GALNT13: variants seen among roughly 807,000 people sequenced by gnomAD.
GALNT13 encodes polypeptide N-acetylgalactosaminyltransferase 13, also known as UDP-GalNAc:polypeptide N-acetylgalactosaminyltransferase 13.
A neutral mutation model predicts 64.2 loss-of-function variants in GALNT13; 28 were observed. The ratio of observed to expected loss-of-function variants is 0.44; its 90% CI spans 0.32 to 0.60. The LOEUF (loss-of-function observed/expected upper bound fraction) is 0.60. Ranked by LOEUF, GALNT13 falls within the 20% of genes least tolerant of loss-of-function variation. The probability of loss-of-function intolerance (pLI) is 0.05; values close to 1 mark genes in which losing one functional copy is unlikely to be tolerated. For synonymous variants in GALNT13, 214 were observed against 224.6 expected, an observed-to-expected ratio of 0.95 and a Z score of 0.42; for missense variants, 577 against 669.8, an observed-to-expected ratio of 0.86 and a Z score of 1.53.
intron 1 of GALNT13, among the ~76,000 whole-genome samples, chr2:153,897,890 A>G (rs1687985553): frequency 6.6e-6 from 1 of 152,068 alleles, no homozygotes; most frequent in Non-Finnish European, 1.5e-5. Flanking sequence ...CTTTTGACAT[A>G]TTCCCATCAT....
the GALNT13 span, among the ~76,000 whole-genome samples, chr2:153,180,681 T>C: frequency 6.6e-6 from 1 of 151,918 alleles, no homozygotes; most frequent in Non-Finnish European, 1.5e-5. Flanking sequence ...TTTTTCTTAC[T>C]GATGAAATCT....
chr2:153,938,424 T>A (rs1000199797), intron 2 of GALNT13, among the ~76,000 whole-genome samples: 1 of 152,150 alleles, frequency 6.6e-6, no homozygotes. Context: ...GGAGATTGAT[T>A]TGGACTCCAC....
chr2:153,963,687 A>G (rs939397404), intron 3 of GALNT13, among the ~76,000 whole-genome samples: 2 of 140,220 alleles, frequency 1.4e-5, no homozygotes, highest in South Asian at 2.3e-4. Context: ...CTGAGCATCA[A>G]TTTCTCTCTC....
the GALNT13 span, among the ~76,000 whole-genome samples, chr2:153,822,282 A>G: frequency 1.3e-5 from 2 of 152,124 alleles, no homozygotes; most frequent in Non-Finnish European, 2.9e-5. Context: ...ACACAACAAT[A>G]GAAAAAAACA....
intron 3 of GALNT13, among the ~76,000 whole-genome samples, chr2:153,987,555 T>C (rs567018353): frequency 6.6e-6 from 1 of 152,042 alleles, no homozygotes; most frequent in East Asian, 1.9e-4. Flanking sequence ...AGCCTAGTCT[T>C]ATGTTTATTG....
chr2:153,116,789 G>A, the GALNT13 span, among the ~76,000 whole-genome samples: 2 of 122,202 alleles, frequency 1.6e-5, no homozygotes, highest in Non-Finnish European at 3.4e-5. Context: ...TAGGTGTGTT[G>A]TCTTCTTTTT....
At chr2:154,358,168 G>A (rs900196216) in intron 9 of GALNT13, among the ~76,000 whole-genome samples, 1 of 152,010 alleles carries the variant, frequency 6.6e-6, no homozygotes, top group East Asian at 1.9e-4. Flanking sequence ...TTGAAACAAA[G>A]CCACTTTTCC....
At chr2:154,434,737 A>G (rs1346986132) in intron 11 of GALNT13, among the ~76,000 whole-genome samples, 3 of 152,144 alleles carry the variant, frequency 2.0e-5, no homozygotes, top group African/African-American at 7.2e-5. Flanking sequence ...AGTTGAGACA[A>G]CATGAACATT....
At chr2:153,970,072 G>GT (rs1693638636) in intron 3 of GALNT13, among the ~76,000 whole-genome samples, 1 of 152,154 alleles carries the variant, frequency 6.6e-6, no homozygotes, top group African/African-American at 2.4e-5. Context: ...CACAAGTGCT[G>GT]TATCACTTAG....
chr2:153,698,470 C>A, the GALNT13 span, among the ~76,000 whole-genome samples: 1 of 152,130 alleles, frequency 6.6e-6, no homozygotes, highest in African/African-American at 2.4e-5. Context: ...AGACTTTAAA[C>A]TAGCAAAGAT....
At chr2:153,445,864 C>T in the GALNT13 span, among the ~76,000 whole-genome samples, 1 of 152,100 alleles carries the variant, frequency 6.6e-6, no homozygotes, top group Non-Finnish European at 1.5e-5. Flanking sequence ...CCATTCTCAT[C>T]ACTATCTTTT....
At chr2:153,938,930 G>A (rs1574157837) in intron 2 of GALNT13, among the ~76,000 whole-genome samples, 1 of 152,152 alleles carries the variant, frequency 6.6e-6, no homozygotes, top group East Asian at 1.9e-4. Flanking sequence ...GGGCAATTCA[G>A]CCCATAACAA....
intron 1 of GALNT13, among the ~76,000 whole-genome samples, chr2:153,878,379 T>C (rs1364716989): frequency 6.6e-6 from 1 of 152,174 alleles, no homozygotes; most frequent in East Asian, 1.9e-4. Flanking sequence ...TGTGATATGC[T>C]GCCTACTCTA....
chr2:153,840,326 A>T, the GALNT13 span, among the ~76,000 whole-genome samples: 5 of 152,278 alleles, frequency 3.3e-5, no homozygotes, highest in South Asian at 1.0e-3. Context: ...TTAAAACTAC[A>T]TTTTAAGAAA....
chr2:153,209,562 A>G, the GALNT13 span, among the ~76,000 whole-genome samples: 1 of 152,210 alleles, frequency 6.6e-6, no homozygotes, highest in South Asian at 2.1e-4. Flanking sequence ...TTTCTTGACT[A>G]CTGTAGCTTT....
At chr2:153,257,015 T>TGTTTA in the GALNT13 span, among the ~76,000 whole-genome samples, 1 of 152,254 alleles carries the variant, frequency 6.6e-6, no homozygotes, top group Non-Finnish European at 1.5e-5. Flanking sequence ...GTTTACCTAA[T>TGTTTA]CAAGTCTGGG....
chr2:153,239,594 G>A, the GALNT13 span, among the ~76,000 whole-genome samples: 1 of 152,010 alleles, frequency 6.6e-6, no homozygotes, highest in Non-Finnish European at 1.5e-5. Flanking sequence ...TAATCTTGTG[G>A]TTTTTATCCT....
intron 3 of GALNT13, among the ~76,000 whole-genome samples, chr2:154,132,278 G>T (rs914543721): frequency 6.6e-6 from 1 of 152,064 alleles, no homozygotes; most frequent in Non-Finnish European, 1.5e-5. Context: ...GATGTAAAAG[G>T]CCCTTTAATT....
At chr2:154,064,256 G>A (rs1438186504) in intron 3 of GALNT13, among the ~76,000 whole-genome samples, 1 of 152,100 alleles carries the variant, frequency 6.6e-6, no homozygotes, top group South Asian at 2.1e-4. Flanking sequence ...TCACTACTGT[G>A]GTCTAAGGTG....
Sources: gnomAD v4.1 joint callset for allele counts (sites outside exome capture counted in the v4.1 genomes callset) on GRCh38, gnomAD v4.1.1 for gene constraint, MANE v1.5 for transcripts, NCBI Gene and HGNC (gene_info 2026-07-23, HGNC 2026-07-21) for gene names.